The following ALB variants were observed in gnomAD, a reference collection of about 807,000 sequenced individuals.
The protein encoded by ALB is albumin, also known as serum albumin.
ALB carries 37 observed loss-of-function variants against 74.5 expected under a neutral mutation model. The observed-to-expected ratio is 0.50, with a 90% CI of 0.38 to 0.65. The LOEUF (loss-of-function observed/expected upper bound fraction) is 0.65. ALB is among the 30% of genes least tolerant of loss of function. The probability of loss-of-function intolerance (pLI) is 0.00; values close to 1 mark genes in which losing one functional copy is unlikely to be tolerated. For synonymous variants in ALB, 249 were observed against 251.6 expected (o/e 0.99, Z 0.10); for missense variants, 685 against 718.7 (o/e 0.95, Z 0.54).
chr4:73,405,683 C>T (rs1045174465), intron 2 of ALB, among the ~76,000 whole-genome samples: 2 of 151,892 alleles, frequency 1.3e-5, no homozygotes, highest in Non-Finnish European at 2.9e-5. Context: ...CTCCGCCTCC[C>T]GGGTTCACGC....
chr4:73,409,459 C>T lies in ALB; in HGVS notation c.587C>T (p.Ala196Val). Residue 196 changes from alanine (A) to valine (V), a missense_variant, in exon 5 of 15, where the codon GCT becomes GTT. Ala to Val is a moderately conservative substitution (Grantham distance 64, BLOSUM62 0). Transcript: ENST00000295897. ...GCTTTTACAGAATGTTGCCAAGCTG[C>T]TGATAAAGCTGCCTGCCTGTTGCCA... Reference protein sequence around the residue: ...KAAFTECCQAADKAACLLPKL... With the variant: ...KAAFTECCQAVDKAACLLPKL... 1 of 1,613,936 alleles carries T rather than the reference C, an allele frequency of 6.2e-7. No individual in the cohort carries two copies. The highest frequency in any genetic ancestry group is 8.5e-7 in the Non-Finnish European group (1 of 1,179,886).
At chr4:73,405,507 G>C (rs951603822) in intron 2 of ALB, among the ~76,000 whole-genome samples, 4 of 152,130 alleles carry the variant, frequency 2.6e-5, no homozygotes, top group Non-Finnish European at 5.9e-5. Flanking sequence ...TGGTGGAAAG[G>C]ACTTTAATAT....
chr4:73,419,294 C>A (rs1719089115), intron 12 of ALB: 4 of 568,414 alleles, frequency 7.0e-6, no homozygotes, highest in South Asian at 6.4e-5. Flanking sequence ...GTCTTCCCAC[C>A]AACTCCATGA....
chr4:73,420,184 T>C (rs1719109656), intron 13 of ALB, 70 bp from the exon 14 acceptor site: 2 of 1,381,666 alleles, frequency 1.4e-6, no homozygotes, highest in Non-Finnish European at 2.1e-6. Flanking sequence ...AATAGCTTCA[T>C]AAATGTTAAT....
Position 73,421,045 on chromosome 4 carries a change from C to T in ALB, c.*24-47C>T, listed in dbSNP as rs772815216. The T allele has an allele frequency of 7.5e-6, 5 of 668,286 alleles. No individual in the cohort carries two copies. In the East Asian group the frequency reaches 1.4e-4, roughly 18 times the overall value. The allele number at this position is 668,286 out of a possible 1,614,324, so 41.4% of individuals were successfully genotyped here. A position where few individuals can be genotyped will look rare whatever the true frequency, so the allele number is the denominator to read the frequency against. On this transcript the variant is annotated intron_variant, in intron 14 of 14. Transcript: ENST00000295897. Reference sequence around the variant, plus strand: ...TTTATTTTAATAGGTTTGAAAAACACATGCCATTTTACAAATAAGACTTAT... The same window carrying T: ...TTTATTTTAATAGGTTTGAAAAACATATGCCATTTTACAAATAAGACTTAT...
At chr4:73,409,221 A>G (rs1718807045) in intron 4 of ALB, 134 bp from the exon 5 acceptor site, 3 of 909,750 alleles carry the variant, frequency 3.3e-6, no homozygotes, top group South Asian at 1.6e-5. Context: ...CAAGACCATC[A>G]TGTGCAAATT....
intron 5 of ALB, among the ~76,000 whole-genome samples, 160 bp downstream of exon 5, chr4:73,409,647 C>G (rs1357310553): frequency 6.6e-6 from 1 of 152,140 alleles, no homozygotes; most frequent in Non-Finnish European, 1.5e-5. Context: ...TCTTTGAAGG[C>G]CTACACTCTC....
chr4:73,411,907 A>G (rs1454798569), intron 6 of ALB, 89 bp from the exon 7 acceptor site: 2 of 1,540,158 alleles, frequency 1.3e-6, no homozygotes, highest in Non-Finnish European at 1.8e-6. Flanking sequence ...GTCCATTTTG[A>G]ATTTTCTTAT....
At chr4:73,406,531 A>G in intron 2 of ALB, 98 bp from the exon 3 acceptor site, 3 of 1,167,898 alleles carry the variant, frequency 2.6e-6, no homozygotes, top group South Asian at 2.6e-5. Flanking sequence ...TGTATAAAAG[A>G]TAGAACCTAT....
At chr4:73,408,847 G>A (rs749661825) in intron 4 of ALB, 42 bp downstream of exon 4, 7 of 1,534,844 alleles carry the variant, frequency 4.6e-6, no homozygotes, top group Non-Finnish European at 6.3e-6. Flanking sequence ...AAAAAGCATG[G>A]AGTAACTCCA....
intron 1 of ALB, 53 bp from the exon 2 acceptor site, chr4:73,405,063 A>C: frequency 6.7e-7 from 1 of 1,485,526 alleles, no homozygotes; most frequent in South Asian, 1.1e-5. Context: ...TAACATTATT[A>C]CTTCTTGTTT....
At position 73,413,512 on chromosome 4, in the gene ALB, C is replaced by T. The variant is rs140421861; in HGVS notation, c.936C>T (p.His312=). 230 of 1,614,074 alleles carry T rather than the reference C, an allele frequency of 1.4e-4. No homozygotes were observed. The highest frequency in any genetic ancestry group is 1.9e-4 in the Non-Finnish European group (221 of 1,180,034). The change falls in exon 8 of 15, where the codon CAC becomes CAT. Residue 312 remains histidine, a synonymous_variant. Transcript: ENST00000295897. ...CCEKPLLEKS[H]CIAEVENDEM... Reference sequence around the variant, plus strand: ...AAAAACCTCTGTTGGAAAAATCCCACTGCATTGCCGAAGTGGAAAATGATG... The same window carrying T: ...AAAAACCTCTGTTGGAAAAATCCCATTGCATTGCCGAAGTGGAAAATGATG...
intron 2 of ALB, 49 bp from the exon 3 acceptor site, chr4:73,406,580 A>G (rs1560854217): frequency 1.3e-6 from 2 of 1,586,630 alleles, no homozygotes; most frequent in Non-Finnish European, 8.6e-7. Flanking sequence ...GCAACCTGTT[A>G]CATATTAAAG....
chr4:73,407,454 C>T (rs1280370616), intron 3 of ALB, among the ~76,000 whole-genome samples: 1 of 152,216 alleles, frequency 6.6e-6, no homozygotes, highest in Non-Finnish European at 1.5e-5. Flanking sequence ...CTTTTCAAGG[C>T]TGAATAATAT....
intron 7 of ALB, 139 bp from the exon 8 acceptor site, chr4:73,413,281 A>C: frequency 1.2e-6 from 1 of 823,022 alleles, no homozygotes. Context: ...GTTTAGGAGC[A>C]AACAGAGTAT....
At chr4:73,410,175 C>T in intron 5 of ALB, 137 bp from the exon 6 acceptor site, 1 of 702,400 alleles carries the variant, frequency 1.4e-6, no homozygotes, top group Non-Finnish European at 2.6e-6. Context: ...TCATTATTCG[C>T]TAAAGGGAGT....
At chr4:73,413,284 CAG>C (rs1181240235) in intron 7 of ALB, 134 bp from the exon 8 acceptor site, 10 of 833,072 alleles carry the variant, frequency 1.2e-5, no homozygotes, top group Non-Finnish European at 1.8e-5. Flanking sequence ...TAGGAGCAAA[CAG>C]AGTATGTTCA....
Position 73,413,737 on chromosome 4 carries a change from C to T in ALB, c.1058+103C>T, listed in dbSNP as rs1718940162. 16 of 1,140,396 alleles carry T rather than the reference C, an allele frequency of 1.4e-5. No individual in the cohort carries two copies. The Admixed American group carries it at 2.6e-4, about 19-fold the overall frequency. 70.6% of individuals were successfully genotyped at this position (1,140,396 alleles called of 1,614,324 possible). ...GGAGTTGCTACAATTTCCCTGCTGC[C>T]CAGAATGTTTCTTCATCCTTCCCTT... On this transcript the variant is annotated intron_variant, in intron 8 of 14. Transcript: ENST00000295897.
chr4:73,407,261 C>T (rs7670092), intron 3 of ALB, among the ~76,000 whole-genome samples: 22,350 of 152,058 alleles, frequency 0.15, 1,706 homozygotes, highest in South Asian at 0.19. Flanking sequence ...AGTAACCCCT[C>T]GTTTCGTCCT....
Sources: allele counts gnomAD v4.1 joint callset (sites outside exome capture counted in the v4.1 genomes callset), GRCh38; gene constraint gnomAD v4.1.1; transcripts MANE v1.5; gene names NCBI Gene and HGNC (gene_info 2026-07-23, HGNC 2026-07-21).